Variants in FHIT observed in about 807,000 individuals in gnomAD.
The protein encoded by FHIT is fragile histidine triad diadenosine triphosphatase, also known as bis(5'-adenosyl)-triphosphatase.
Under a neutral mutation model 17.9 loss-of-function variants are expected in FHIT, and 19 were observed. The ratio of observed to expected loss-of-function variants is 1.06; its 90% CI spans 0.74 to 1.56. The LOEUF is 1.56. Among genes scored for constraint, FHIT ranks in the 40% most tolerant of loss-of-function variants. FHIT has a pLI of 0.00. For missense variants in FHIT, 248 were observed against 189.2 expected, an observed-to-expected ratio of 1.31 and a Z score of -1.82; for synonymous variants, 81 against 69.7, an observed-to-expected ratio of 1.16 and a Z score of -0.81.
chr3:59,876,949 G>A (rs1703191633), intron 8 of FHIT, among the ~76,000 whole-genome samples: 2 of 152,138 alleles, frequency 1.3e-5, no homozygotes, highest in Non-Finnish European at 2.9e-5. Flanking sequence ...AGACATCTGT[G>A]AAACAGTTCC....
At chr3:61,026,672 G>C (rs1320777400) in intron 3 of FHIT, among the ~76,000 whole-genome samples, 1 of 151,820 alleles carries the variant, frequency 6.6e-6, no homozygotes, top group Non-Finnish European at 1.5e-5. Context: ...TTTTTTTTAA[G>C]CTCATCAGTT....
chr3:60,874,031 A>G (rs115728691), intron 3 of FHIT, among the ~76,000 whole-genome samples: 8 of 152,096 alleles, frequency 5.3e-5, no homozygotes, highest in African/African-American at 1.7e-4. Flanking sequence ...CCAGATCAAA[A>G]CCTCTTGTTT....
intron 5 of FHIT, among the ~76,000 whole-genome samples, chr3:60,423,464 G>A (rs538248531): frequency 6.6e-6 from 1 of 152,174 alleles, no homozygotes; most frequent in East Asian, 1.9e-4. Context: ...ATTATCAGGA[G>A]AATATGTGAA....
At chr3:60,089,581 A>T (rs1047690973) in intron 5 of FHIT, among the ~76,000 whole-genome samples, 3 of 152,178 alleles carry the variant, frequency 2.0e-5, no homozygotes, top group African/African-American at 7.2e-5. Flanking sequence ...CAGCAACAAA[A>T]ATAATCCCAT....
intron 5 of FHIT, among the ~76,000 whole-genome samples, chr3:60,493,339 G>A (rs991517269): frequency 2.6e-5 from 4 of 152,104 alleles, no homozygotes; most frequent in African/African-American, 9.7e-5. Flanking sequence ...CTATATCCAA[G>A]GAAGATCATA....
rs1559524536 is a variant in FHIT, at chr3:59,986,753, TATATAAATATATTTATATAAATATA to T, written c.279+24593_279+24617del. Among the ~76,000 whole-genome samples, 5 of 734 alleles carry T rather than the reference TATATAAATATATTTATATAAATATA, an allele frequency of 6.8e-3. 2 individuals carry two copies. The highest frequency in any genetic ancestry group is 0.02 in the African/African-American group (5 of 254). 0.5% of individuals were successfully genotyped at this position (734 alleles called of 152,430 possible). A position where few individuals can be genotyped will look rare whatever the true frequency, so the allele number is the denominator to read the frequency against. On this transcript the variant is annotated intron_variant, in intron 7 of 9. Coordinates refer to ENST00000492590, the MANE Select transcript of FHIT (RefSeq NM_002012.4). ...ATAAATATATACATATATTTATATA[TATATAAATATATTTATATAAATATA>T]TAAATATATATATATAAATATATTT...
In FHIT at chr3:60,536,933, G is replaced by C. The variant is rs149317894; in HGVS notation, c.30C>G (p.Ile10Met). The C allele has an allele frequency of 5.6e-6, 9 of 1,612,792 alleles. No homozygotes were observed. Among genetic ancestry groups the C allele is most frequent in the Non-Finnish European group, 6.8e-6 (8 of 1,179,388 alleles). The change falls in exon 5 of 10, where the codon ATC becomes ATG. Residue 10 changes from isoleucine (I) to methionine (M), a missense_variant. Physicochemically the swap from Ile to Met is conservative, Grantham distance 10 (BLOSUM62 1). Transcript: ENST00000492590. MSFRFGQHL[I>M]KPSVVFLKTE... The stretch of plus-strand genomic sequence containing the variant: ...TTTTGAGAAACACTACAGAGGGCTT[G>C]ATGAGATGTTGGCCAAATCTGAACG...
At chr3:60,185,229 A>G (rs9817793) in intron 5 of FHIT, among the ~76,000 whole-genome samples, 68,329 of 151,862 alleles carry the variant, frequency 0.45, 17,132 homozygotes, top group East Asian at 0.92. Flanking sequence ...TTACAGCGTC[A>G]AATTGAATAG....
chr3:60,072,753 G>A (rs182587887), intron 5 of FHIT, among the ~76,000 whole-genome samples: 2 of 152,274 alleles, frequency 1.3e-5, no homozygotes, highest in South Asian at 2.1e-4. Flanking sequence ...TACATCTTCT[G>A]TACTATTCTC....
chr3:60,142,433 A>C (rs1700076405), intron 5 of FHIT, among the ~76,000 whole-genome samples: 1 of 152,180 alleles, frequency 6.6e-6, no homozygotes, highest in Non-Finnish European at 1.5e-5. Context: ...TTGTTGCTTA[A>C]AATTTTATTT....
chr3:60,352,635 G>T (rs1699463798), intron 5 of FHIT, among the ~76,000 whole-genome samples: 1 of 152,080 alleles, frequency 6.6e-6, no homozygotes. Context: ...CTGAGTAGCT[G>T]AGATTGCAGT....
chr3:60,107,642 A>G (rs769845672), intron 5 of FHIT, among the ~76,000 whole-genome samples: 12 of 152,196 alleles, frequency 7.9e-5, no homozygotes, highest in Non-Finnish European at 1.5e-4. Flanking sequence ...GCTACTTCCA[A>G]CTGGACAGGC....
At chr3:61,135,695 T>G (rs1244245168) in intron 2 of FHIT, among the ~76,000 whole-genome samples, 2 of 152,202 alleles carry the variant, frequency 1.3e-5, no homozygotes, top group Non-Finnish European at 2.9e-5. Flanking sequence ...GTCTATTTCT[T>G]CATTACATGG....
rs148001261 is a variant in FHIT at position 59,984,541 on chromosome 3, C to T, written c.279+26830G>A. Among the ~76,000 whole-genome samples, 141 of 152,098 alleles carry T rather than the reference C, an allele frequency of 9.3e-4. 3 individuals are homozygous for T. The East Asian group carries it at 0.018, about 19-fold the overall frequency. On this transcript the variant is annotated intron_variant, in intron 7 of 9. Coordinates refer to ENST00000492590, the MANE Select transcript of FHIT (RefSeq NM_002012.4). ...AGTCAATAATTCCTGACACTTTAGG[C>T]CTACACTCTACACCAGCAAGAGAAA...
At chr3:59,822,421 A>G (rs1700827549) in intron 8 of FHIT, among the ~76,000 whole-genome samples, 1 of 152,148 alleles carries the variant, frequency 6.6e-6, no homozygotes, top group African/African-American at 2.4e-5. Flanking sequence ...TCAGCAGTGT[A>G]GAGGTGTTCC....
At chr3:60,065,714 ACT>A (rs1239620396) in intron 5 of FHIT, among the ~76,000 whole-genome samples, 2 of 151,984 alleles carry the variant, frequency 1.3e-5, no homozygotes, top group African/African-American at 2.4e-5. Context: ...GTAGCAGGAA[ACT>A]CTGCTCAGTT....
intron 5 of FHIT, among the ~76,000 whole-genome samples, chr3:60,344,461 A>T (rs1427028520): frequency 6.6e-6 from 1 of 152,192 alleles, no homozygotes; most frequent in African/African-American, 2.4e-5. Context: ...AAACAGATTG[A>T]GAAAAGTCAC....
At chr3:60,781,139 G>A (rs1188411817) in intron 4 of FHIT, among the ~76,000 whole-genome samples, 4 of 152,170 alleles carry the variant, frequency 2.6e-5, no homozygotes, top group African/African-American at 9.7e-5. Flanking sequence ...GAAGGCCAAA[G>A]CACATAAGTG....
chr3:60,764,094 T>C (rs1360497811), intron 4 of FHIT, among the ~76,000 whole-genome samples: 9 of 152,120 alleles, frequency 5.9e-5, no homozygotes, highest in Admixed American at 3.9e-4. Flanking sequence ...ACGACGGGGA[T>C]TGGAAAGCCT....
Sources: allele counts gnomAD v4.1 joint callset (sites outside exome capture counted in the v4.1 genomes callset), GRCh38; gene constraint gnomAD v4.1.1; transcripts MANE v1.5; gene names NCBI Gene and HGNC (gene_info 2026-07-23, HGNC 2026-07-21).